The following MINAR1 variants were observed in gnomAD, a reference collection of about 807,000 sequenced individuals.
MINAR1 encodes major intrinsically disordered Notch2-binding receptor 1.
In MINAR1, 40 loss-of-function variants were observed where a neutral mutation model predicts 65.1. The ratio of observed to expected loss-of-function variants is 0.61; its 90% CI spans 0.48 to 0.80. The LOEUF is 0.80. MINAR1 is among the 30% of genes least tolerant of loss of function. The pLI, the probability that MINAR1 is intolerant of heterozygous loss-of-function variation, is 0.00. For missense variants in MINAR1, 1,128 were observed against 1,148.0 expected, an observed-to-expected ratio of 0.98 and a Z score of 0.25; for synonymous variants, 482 against 449.1, an observed-to-expected ratio of 1.07 and a Z score of -0.93.
chr15:79,463,107 C>T lies in MINAR1; in HGVS notation c.2339C>T (p.Pro780Leu), dbSNP rs1167928715. The change falls in exon 3 of 4, where the codon CCC becomes CTC. Residue 780 changes from proline to leucine, a missense_variant. Coordinates refer to ENST00000305428, the MANE Select transcript of MINAR1 (RefSeq NM_015206.3). The stretch of plus-strand genomic sequence containing the variant: ...GACATTCCCCCACAGCACCGACTGC[C>T]CAAGCAGCCCAAAGATGGCTTCCTG... Reference protein sequence around the residue: ...QYDIPPQHRLPKQPKDGFLVE... With the variant: ...QYDIPPQHRLLKQPKDGFLVE... 2 of 1,614,176 alleles carry T rather than the reference C, an allele frequency of 1.2e-6. No individual in the cohort carries two copies. Among genetic ancestry groups the T allele is most frequent in the East Asian group, 2.2e-5 (1 of 44,880 alleles).
the MINAR1 span, chr15:79,413,617 A>C: frequency 7.2e-5 from 11 of 152,278 alleles, no homozygotes; most frequent in African/African-American, 2.7e-4. Flanking sequence ...ATTTGAACAT[A>C]GATCATGTGC....
chr15:79,463,544 G>A (rs1267663661), intron 3 of MINAR1, among the ~76,000 whole-genome samples: 3 of 152,224 alleles, frequency 2.0e-5, no homozygotes, highest in African/African-American at 7.2e-5. Context: ...CAGTAGGAAT[G>A]CTTGATTGAT....
At chr15:79,464,759 C>G (rs1037744923) in intron 3 of MINAR1, among the ~76,000 whole-genome samples, 4 of 152,308 alleles carry the variant, frequency 2.6e-5, no homozygotes, top group Admixed American at 1.3e-4. Context: ...TTCCTCACCC[C>G]CTTACCTCAT....
chr15:79,451,307 G>C (rs1451772191), intron 1 of MINAR1, among the ~76,000 whole-genome samples: 1 of 152,118 alleles, frequency 6.6e-6, no homozygotes, highest in African/African-American at 2.4e-5. Context: ...TTACCTGGTT[G>C]AAAACTCCTG....
intron 1 of MINAR1, among the ~76,000 whole-genome samples, chr15:79,455,209 A>T (rs528114113): frequency 6.6e-6 from 1 of 152,310 alleles, no homozygotes; most frequent in Admixed American, 6.5e-5. Flanking sequence ...TTCAGAAAAA[A>T]ATCCATATTT....
At chr15:79,413,188 T>A in the MINAR1 span, 1 of 152,184 alleles carries the variant, frequency 6.6e-6, no homozygotes, top group East Asian at 1.9e-4. Flanking sequence ...ATGACCACAC[T>A]AGCTCTCCAG....
rs780425765 is a variant in MINAR1, at chr15:79,457,546, C to T, written c.1399C>T (p.Leu467Phe). 1.5e-5 allele frequency: 24 copies of T among 1,614,082 alleles called. No individual in the cohort carries two copies. The highest frequency in any genetic ancestry group is 1.9e-5 in the Non-Finnish European group (23 of 1,180,046). Residue 467 changes from leucine (L) to phenylalanine (F), a missense_variant, in exon 2 of 4, where the codon CTC (leucine) becomes TTC (phenylalanine). Leu to Phe is a conservative substitution (Grantham distance 22). Transcript: ENST00000305428. ...GAGCATTAACTGCACCAGTGGGCAG[C>T]TCAGCTCAGACACCAGTAGCGTGGG... ...DKSINCTSGQ[L>F]SSDTSSVGTQ...
At chr15:79,468,036 G>C (rs1895937688) in intron 3 of MINAR1, 151 bp from the exon 4 acceptor site, 1 of 629,364 alleles carries the variant, frequency 1.6e-6, no homozygotes, top group South Asian at 2.0e-5. Context: ...GCCTGCCTCA[G>C]GCATGGGGCT....
Position 79,469,894 on chromosome 15 carries a change from A to T in MINAR1, c.*1510A>T, listed in dbSNP as rs1243824168. 2 of 152,676 alleles carry T rather than the reference A, an allele frequency of 1.3e-5. No homozygotes were observed. Among genetic ancestry groups the T allele is most frequent in the African/African-American group, 4.8e-5 (2 of 41,466 alleles). The allele number at this position is 152,676 out of a possible 1,614,324, so 9.5% of individuals were successfully genotyped here. A position where few individuals can be genotyped will look rare whatever the true frequency, so the allele number is the denominator to read the frequency against. On this transcript the variant is annotated 3_prime_UTR_variant, in exon 4 of 4. Coordinates refer to ENST00000305428, the MANE Select transcript of MINAR1 (RefSeq NM_015206.3). ...ATAAATTTCTAAAAGATTTGAGAGC[A>T]TCTCAATTTTTAAAGCAATAGGAGT...
intron 1 of MINAR1, among the ~76,000 whole-genome samples, chr15:79,449,138 G>C (rs1177954694): frequency 6.6e-6 from 1 of 152,220 alleles, no homozygotes; most frequent in Non-Finnish European, 1.5e-5. Context: ...TTAGGAATTA[G>C]AGGAGCCTGG....
At position 79,457,579 on chromosome 15, in the gene MINAR1, A is replaced by T; in HGVS notation, c.1432A>T (p.Thr478Ser). 1 of 1,614,186 alleles carries T rather than the reference A, an allele frequency of 6.2e-7. No individual in the cohort carries two copies. Among genetic ancestry groups the T allele is most frequent in the Non-Finnish European group, 8.5e-7 (1 of 1,180,038 alleles). The change falls in exon 2 of 4, where the codon ACT becomes TCT. Residue 478 changes from threonine (T) to serine (S), a missense_variant. Physicochemically the swap from Thr to Ser is moderately conservative, Grantham distance 58 (BLOSUM62 1). Transcript: ENST00000305428. ...SSDTSSVGTQ[T>S]EHVLEPKKCR... Reference sequence around the variant, plus strand: ...AGACACCAGTAGCGTGGGCACCCAGACTGAGCACGTGCTGGAGCCCAAGAA... The same window carrying T: ...AGACACCAGTAGCGTGGGCACCCAGTCTGAGCACGTGCTGGAGCCCAAGAA...
In MINAR1 at chr15:79,458,192, G is replaced by A. The variant is rs972017302; in HGVS notation, c.2045G>A (p.Cys682Tyr). 1.2e-6 allele frequency: 2 copies of A among 1,614,126 alleles called. No individual in the cohort carries two copies. The highest frequency in any genetic ancestry group is 1.3e-5 in the African/African-American group (1 of 75,034). The change falls in exon 2 of 4, where the codon TGC becomes TAC. Residue 682 changes from cysteine to tyrosine, a missense_variant. Coordinates refer to ENST00000305428, the MANE Select transcript of MINAR1 (RefSeq NM_015206.3). The part of the protein sequence containing the change: ...GPKLENNPDW[C>Y]CSDASGSNSE... ...AAACTAGAGAACAACCCTGACTGGT[G>A]CTGCTCTGATGCTAGCGGGAGCAAC... is the stretch of plus-strand genomic sequence containing the variant.
At chr15:79,463,046 C>T in intron 2 of MINAR1, 21 bp from the exon 3 acceptor site, 1 of 1,597,214 alleles carries the variant, frequency 6.3e-7, no homozygotes. Flanking sequence ...CTTGTCTGGA[C>T]TTCTTTGTGC....
In MINAR1 at chr15:79,471,716, T is replaced by G. The variant is rs1352765860; in HGVS notation, c.*3332T>G. ...GTGGCATCACATTTGTTGTTGTTGT[T>G]TTTTTTTTTGAAATAGAAAAAAACA... On this transcript the variant is annotated 3_prime_UTR_variant, in exon 4 of 4. Transcript: ENST00000305428. The G allele has an allele frequency of 7.9e-5, 12 of 151,764 alleles. No homozygotes were observed. Among genetic ancestry groups the G allele is most frequent in the Non-Finnish European group, 1.6e-4 (11 of 67,774 alleles). 9.4% of individuals were successfully genotyped at this position (151,764 alleles called of 1,614,324 possible). A position where few individuals can be genotyped will look rare whatever the true frequency, so the allele number is the denominator to read the frequency against.
At position 79,451,945 on chromosome 15, in the gene MINAR1, G is replaced by C. The variant is rs867496176; in HGVS notation, c.-50-4153G>C. The stretch of plus-strand genomic sequence containing the variant: ...AGAAAGTTTAAACCCTGAGGACAGA[G>C]CTAAGAGACACTTAGGAGAGAACAG... On this transcript the variant is annotated intron_variant, in intron 1 of 3. Coordinates refer to ENST00000305428, the MANE Select transcript of MINAR1 (RefSeq NM_015206.3). Among the ~76,000 whole-genome samples, 60 of 152,324 alleles carry C rather than the reference G, an allele frequency of 3.9e-4. No homozygotes were observed. In the Middle Eastern group the frequency reaches 0.017, roughly 43 times the overall value.
intron 1 of MINAR1, among the ~76,000 whole-genome samples, chr15:79,442,014 G>A (rs1894882827): frequency 6.7e-6 from 1 of 148,480 alleles, no homozygotes. Flanking sequence ...TGAAATGCAA[G>A]AATTTTCTGC....
chr15:79,460,837 C>CT (rs1216604406), intron 2 of MINAR1, among the ~76,000 whole-genome samples: 1 of 152,214 alleles, frequency 6.6e-6, no homozygotes, highest in African/African-American at 2.4e-5. Context: ...CTTGATGAGT[C>CT]TTCCTGTTTT....
At chr15:79,448,695 TAAG>T (rs889575909) in intron 1 of MINAR1, among the ~76,000 whole-genome samples, 3 of 152,216 alleles carry the variant, frequency 2.0e-5, no homozygotes, top group African/African-American at 7.2e-5. Flanking sequence ...AAAGGTTTGA[TAAG>T]AATACTTTAT....
chr15:79,449,056 GA>G (rs545292852), intron 1 of MINAR1, among the ~76,000 whole-genome samples: 188 of 152,012 alleles, frequency 1.2e-3, no homozygotes, highest in African/African-American at 4.3e-3. Flanking sequence ...AGGGTAATGG[GA>G]AAAAAAATCA....
Sources: gnomAD v4.1 joint callset for allele counts (sites outside exome capture counted in the v4.1 genomes callset) on GRCh38, gnomAD v4.1.1 for gene constraint, MANE v1.5 for transcripts, NCBI Gene and HGNC (gene_info 2026-07-23, HGNC 2026-07-21) for gene names.